Variants in PCDHGC5 observed in about 807,000 individuals in gnomAD.
The protein encoded by PCDHGC5 is protocadherin gamma subfamily C, 5.
PCDHGC5 carries 25 observed loss-of-function variants against 59.0 expected under a neutral mutation model. The ratio of observed to expected loss-of-function variants is 0.42; its 90% confidence interval spans 0.31 to 0.59. The LOEUF is 0.59. Ranked by LOEUF, PCDHGC5 falls within the 20% of genes least tolerant of loss-of-function variation. The pLI is 0.13. For missense variants in PCDHGC5, 1,067 were observed against 1,206.4 expected (o/e 0.88, Z 1.71); for synonymous variants, 434 against 505.5 (o/e 0.86, Z 1.90).
intron 1 of PCDHGC5, among the ~76,000 whole-genome samples, chr5:141,494,512 C>T (rs2154591503): frequency 6.6e-6 from 1 of 152,276 alleles, no homozygotes; most frequent in Middle Eastern, 3.4e-3. Context: ...AATTTTGGCT[C>T]AGGAGTTCTG....
Position 141,511,350 on chromosome 5 carries a change from C to G in PCDHGC5, c.*177C>G, listed in dbSNP as rs1303365585. 4.3e-6 allele frequency: 6 copies of G among 1,397,194 alleles called. No homozygotes were observed. Among genetic ancestry groups the G allele is most frequent in the East Asian group, 2.5e-5 (1 of 39,862 alleles). The allele number at this position is 1,397,194 out of a possible 1,614,324, so 86.5% of individuals were successfully genotyped here. On this transcript the variant is annotated 3_prime_UTR_variant, in exon 4 of 4. Transcript: ENST00000252087. ...CCCAGTCAGCACCTACCCCTTCCCC[C>G]CCAGGGGGTTGAATATGCAAAAGCA...
chr5:141,510,852 G>A (rs2099883073), intron 3 of PCDHGC5, 95 bp from the exon 4 acceptor site: 2 of 1,601,096 alleles, frequency 1.2e-6, no homozygotes, highest in Non-Finnish European at 1.7e-6. Flanking sequence ...GGCCCAGGGT[G>A]CTGTATAGGC....
rs2099713635 is a variant in PCDHGC5, at chr5:141,491,418, T to C, written c.2178T>C (p.Gly726=). The C allele has an allele frequency of 6.2e-7, 1 of 1,613,796 alleles. No individual in the cohort carries two copies. Among genetic ancestry groups the C allele is most frequent in the Non-Finnish European group, 8.5e-7 (1 of 1,179,944 alleles). The change falls in exon 1 of 4, where the codon GGT becomes GGC. Residue 726 remains glycine, a synonymous_variant. Transcript: ENST00000252087. The surrounding 1 kb of genome is among the most constrained non-coding windows in gnomAD (Gnocchi z 6.9). The stretch of plus-strand genomic sequence containing the variant: ...AGGGAAACGCAGACGGGGACGGGGG[T>C]GGAGGGCAGTGCTGCAGGCGCCAGG... The part of the protein sequence containing the change: ...CLQGNADGDG[G]GGQCCRRQDS...
Position 141,511,040 on chromosome 5 carries a change from C to T in PCDHGC5, c.2702C>T (p.Pro901Leu), listed in dbSNP as rs770767470. The T allele has an allele frequency of 6.2e-7, 1 of 1,614,216 alleles. No individual in the cohort carries two copies. The highest frequency in any genetic ancestry group is 1.7e-5 in the Admixed American group (1 of 60,034). Reference protein sequence around the residue: ...YGPQFTLQHVPDYRQNVYIPG... With the variant: ...YGPQFTLQHVLDYRQNVYIPG... ...CCCCAGTTCACCCTGCAGCACGTGC[C>T]CGACTACCGCCAGAATGTCTACATC... Residue 901 changes from proline (P) to leucine (L), a missense_variant, in exon 4 of 4, where the codon CCC becomes CTC. Physicochemically the swap from Pro to Leu is moderately conservative, Grantham distance 98. Transcript: ENST00000252087.
chr5:141,492,360 G>A (rs2099739696), intron 1 of PCDHGC5, among the ~76,000 whole-genome samples: 1 of 152,190 alleles, frequency 6.6e-6, no homozygotes, highest in African/African-American at 2.4e-5. Context: ...CCACTCGCTC[G>A]CGGCCAGATT....
At position 141,491,369 on chromosome 5, in the gene PCDHGC5, CCTTT is replaced by C; in HGVS notation, c.2132_2135del (p.Phe711CysfsTer40). ...AGTCTCTTATCCCTAGTCACCTTCACCTTTCTGTCAGCGAAGTGCCTTCAGGGAA... is the reference window on the plus strand; with the variant it reads ...AGTCTCTTATCCCTAGTCACCTTCACCTGTCAGCGAAGTGCCTTCAGGGAA... On this transcript the variant is annotated frameshift_variant, in exon 1 of 4. Transcript: ENST00000252087. LOFTEE classifies it high-confidence loss of function. The surrounding 1 kb of genome is among the most constrained non-coding windows in gnomAD (Gnocchi z 6.9). 1 of 1,614,110 alleles carries C rather than the reference CCTTT, an allele frequency of 6.2e-7. No individual in the cohort carries two copies. Among genetic ancestry groups the C allele is most frequent in the Non-Finnish European group, 8.5e-7 (1 of 1,179,996 alleles).
Position 141,511,451 on chromosome 5 carries a change from A to G in PCDHGC5, c.*278A>G, listed in dbSNP as rs2099883797. On this transcript the variant is annotated 3_prime_UTR_variant, in exon 4 of 4. Coordinates refer to ENST00000252087, the MANE Select transcript of PCDHGC5 (RefSeq NM_018929.3). ...GGGGTTACTGTAGACACCAAGAACC[A>G]TTTGCCACACCCCGTTTAGTTACAG... is the stretch of plus-strand genomic sequence containing the variant. The G allele has an allele frequency of 4.9e-6, 3 of 606,372 alleles. No homozygotes were observed. Among genetic ancestry groups the G allele is most frequent in the Non-Finnish European group, 8.1e-6 (3 of 368,942 alleles). The allele number at this position is 606,372 out of a possible 1,614,324, so 37.6% of individuals were successfully genotyped here.
rs556656447 is a variant in PCDHGC5 at position 141,500,319 on chromosome 5, C to CT, written c.2520-5073dup. Among the ~76,000 whole-genome samples the CT allele has an allele frequency of 2.6e-5, 4 of 152,122 alleles. No homozygotes were observed. The South Asian group carries it at 8.3e-4, about 32-fold the overall frequency. Reference sequence around the variant, plus strand: ...CGCCTCCCAGGTTCACGCCATGCTCCTGCCTCAGCCTCCAGAATAGCTGGG... The same window carrying CT: ...CGCCTCCCAGGTTCACGCCATGCTCCTTGCCTCAGCCTCCAGAATAGCTGGG... On this transcript the variant is annotated intron_variant, in intron 2 of 3. Coordinates refer to ENST00000252087, the MANE Select transcript of PCDHGC5 (RefSeq NM_018929.3).
At chr5:141,494,680 C>A in intron 1 of PCDHGC5, 127 bp from the exon 2 acceptor site, 1 of 1,560,094 alleles carries the variant, frequency 6.4e-7, no homozygotes, top group Non-Finnish European at 8.7e-7. Flanking sequence ...CCACCCCTGC[C>A]CCCTCTTAGT....
rs552812176 is a variant in PCDHGC5, at chr5:141,497,407, A to G, written c.2519+2542A>G. Among the ~76,000 whole-genome samples, 43 of 152,204 alleles carry G rather than the reference A, an allele frequency of 2.8e-4. No individual in the cohort carries two copies. In the Middle Eastern group the frequency reaches 0.01, roughly 36 times the overall value. The stretch of plus-strand genomic sequence containing the variant: ...GCACCTTACCCCTGCCTCAACTCCC[A>G]TTCCATCAAATGAGAGGCTTAGTGG... On this transcript the variant is annotated intron_variant, in intron 2 of 3. Coordinates refer to ENST00000252087, the MANE Select transcript of PCDHGC5 (RefSeq NM_018929.3).
rs2233603 is a variant in PCDHGC5 at position 141,490,063 on chromosome 5, G to A, written c.823G>A (p.Gly275Ser). 1,259 of 1,614,208 alleles carry A rather than the reference G, an allele frequency of 7.8e-4. 6 individuals carry two copies. The African/African-American group carries it at 0.013, about 16-fold the overall frequency. The change falls in exon 1 of 4, where the codon GGC (glycine) becomes AGC (serine). Residue 275 changes from glycine to serine, a missense_variant. By Grantham distance (56) the Gly-to-Ser change is moderately conservative. Transcript: ENST00000252087. The surrounding 1 kb of genome is among the most constrained non-coding windows in gnomAD (Gnocchi z 5.4). ...NATDPDEGTN[G>S]QLDYSFGDHT... ...CACTGATCCAGACGAGGGCACCAAC[G>A]GCCAACTAGACTATTCTTTTGGAGA...
chr5:141,507,578 C>T (rs1268451710), intron 3 of PCDHGC5, among the ~76,000 whole-genome samples: 1 of 152,220 alleles, frequency 6.6e-6, no homozygotes, highest in East Asian at 1.9e-4. Context: ...GAGGAGATGC[C>T]AAGTTGGCCT....
intron 2 of PCDHGC5, among the ~76,000 whole-genome samples, chr5:141,498,091 C>G (rs2099781521): frequency 6.6e-6 from 1 of 152,156 alleles, no homozygotes; most frequent in African/African-American, 2.4e-5. Context: ...AGAATTGTAT[C>G]TGGTGGTGTG....
At chr5:141,498,971 GGGAAGGAAGGAAGGAAGGAA>G (rs201769957) in intron 2 of PCDHGC5, among the ~76,000 whole-genome samples, 1,566 of 111,048 alleles carry the variant, frequency 0.014, 32 homozygotes, top group African/African-American at 0.048. Flanking sequence ...GAGGGAGGGA[GGGAAGGAAGGAAGGAAGGAA>G]GGAAGGAAGG....
At chr5:141,498,679 C>G (rs1454800332) in intron 2 of PCDHGC5, among the ~76,000 whole-genome samples, 1 of 152,170 alleles carries the variant, frequency 6.6e-6, no homozygotes, top group Admixed American at 6.5e-5. Flanking sequence ...CGCCTGTAAT[C>G]CCAGCACTTT....
intron 2 of PCDHGC5, among the ~76,000 whole-genome samples, chr5:141,499,297 T>A (rs1449576891): frequency 1.3e-5 from 2 of 152,036 alleles, no homozygotes; most frequent in Non-Finnish European, 2.9e-5. Flanking sequence ...CACACTACCA[T>A]CCCTCCTCTG....
Position 141,489,902 on chromosome 5 carries a change from C to A in PCDHGC5, c.662C>A (p.Ala221Asp). Reference protein sequence around the residue: ...VLTAVDGGTPARSGTTLISVI... With the variant: ...VLTAVDGGTPDRSGTTLISVI... ...ACTGCTGTGGATGGGGGGACCCCAGCCCGCTCAGGGACCACCCTTATCTCT... is the reference window on the plus strand; with the variant it reads ...ACTGCTGTGGATGGGGGGACCCCAGACCGCTCAGGGACCACCCTTATCTCT... The change falls in exon 1 of 4, where the codon GCC (alanine) becomes GAC (aspartate). Residue 221 changes from alanine (A) to aspartate (D), a missense_variant. Ala to Asp is a moderately radical substitution (Grantham distance 126). Transcript: ENST00000252087. The surrounding 1 kb of genome is among the most constrained non-coding windows in gnomAD (Gnocchi z 4.5). 1 of 1,614,218 alleles carries A rather than the reference C, an allele frequency of 6.2e-7. No individual in the cohort carries two copies. The highest frequency in any genetic ancestry group is 8.5e-7 in the Non-Finnish European group (1 of 1,180,032).
rs1427934561 is a variant in PCDHGC5, at chr5:141,511,140, CAAG to C, written c.2809_2811del (p.Lys937del). The stretch of plus-strand genomic sequence containing the variant: ...AGGCCCCAGCAGGTGGCAATGGCAA[CAAG>C]AAGAAGTCGGGCAAGAAGGAGAAGA... On this transcript the variant is annotated inframe_deletion, in exon 4 of 4. Coordinates refer to ENST00000252087, the MANE Select transcript of PCDHGC5 (RefSeq NM_018929.3). 9 of 1,614,186 alleles carry C rather than the reference CAAG, an allele frequency of 5.6e-6. No individual in the cohort carries two copies. The East Asian group carries it at 6.7e-5, about 12-fold the overall frequency.
In PCDHGC5 at chr5:141,505,414, C is replaced by T. The variant is rs373956550; in HGVS notation, c.2541C>T (p.Thr847=). The T allele has an allele frequency of 3.0e-5, 48 of 1,614,046 alleles. No homozygotes were observed. In the African/African-American group the frequency reaches 3.1e-4, roughly 10 times the overall value. The change falls in exon 3 of 4, where the codon ACC becomes ACT. Residue 847 remains threonine (T), a synonymous_variant. Transcript: ENST00000252087. ...CCAGCTCCCAAAATGGCGATGACACCGGCACCTGGCCCAACAACCAGTTTG... is the reference window on the plus strand; with the variant it reads ...CCAGCTCCCAAAATGGCGATGACACTGGCACCTGGCCCAACAACCAGTTTG... ...GTSGSQNGDD[T]GTWPNNQFDT...
Sources: allele counts gnomAD v4.1 joint callset (sites outside exome capture counted in the v4.1 genomes callset), GRCh38; gene constraint gnomAD v4.1.1; non-coding constraint Gnocchi (gnomAD v3.1); transcripts MANE v1.5; gene names NCBI Gene and HGNC (gene_info 2026-07-23, HGNC 2026-07-21).